The following RYR2 variants were observed in gnomAD, a reference collection of about 807,000 sequenced individuals.
RYR2 encodes cardiac muscle ryanodine receptor-calcium release channel.
In RYR2, 227 loss-of-function variants were observed where a neutral mutation model predicts 601.1. The observed-to-expected ratio is 0.38, with a 90% CI of 0.34 to 0.42. The LOEUF is 0.42. RYR2 is among the 10% of genes least tolerant of loss of function. The pLI is 1.00. For missense variants in RYR2, 4,646 were observed against 6,156.5 expected (o/e 0.75, Z 8.21); for synonymous variants, 2,223 against 2,175.1 (o/e 1.02, Z -0.61).
At chr1:237,133,157 A>G (rs1304431894) in intron 1 of RYR2, among the ~76,000 whole-genome samples, 1 of 152,188 alleles carries the variant, frequency 6.6e-6, no homozygotes, top group East Asian at 1.9e-4. Context: ...AAGTCTGCAC[A>G]CAGGACTTCC....
chr1:237,674,703 T>G, intron 59 of RYR2, 28 bp from the exon 60 acceptor site: 1 of 1,348,054 alleles, frequency 7.4e-7, no homozygotes, highest in Non-Finnish European at 1.1e-6. Context: ...TACAAATTGC[T>G]TTCCCATTTT....
At position 237,573,231 on chromosome 1, in the gene RYR2, T is replaced by TACACACAC. The variant is rs10556537; in HGVS notation, c.3598+3931_3598+3938dup. ...ATTATTATCTATGGAGATATACACA[T>TACACACAC]ACACACACACACACACACACACACA... On this transcript the variant is annotated intron_variant, in intron 29 of 104. Transcript: ENST00000366574. 5.6e-3 allele frequency among the ~76,000 whole-genome samples: 827 copies of TACACACAC among 148,914 alleles called. 10 individuals carry two copies. The highest frequency in any genetic ancestry group is 0.019 in the African/African-American group (783 of 40,396).
rs186431789 is a variant in RYR2, at chr1:237,656,546, C to T, written c.8129+562C>T. ...ATGTTTGGGAACTTCAGGTGTTCGA[C>T]GTCTGAGCATTTTGTTGTTGTCGTT... On this transcript the variant is annotated intron_variant, in intron 53 of 104. Coordinates refer to ENST00000366574, the MANE Select transcript of RYR2 (RefSeq NM_001035.3). 3.3e-5 allele frequency among the ~76,000 whole-genome samples: 5 copies of T among 152,278 alleles called. No individual in the cohort carries two copies. In the East Asian group the frequency reaches 5.8e-4, roughly 18 times the overall value.
chr1:237,605,085 A>G (rs1676958361), intron 35 of RYR2, among the ~76,000 whole-genome samples: 1 of 152,200 alleles, frequency 6.6e-6, no homozygotes, highest in Admixed American at 6.5e-5. Context: ...GGCCAGCATC[A>G]TCCTGATACC....
chr1:237,276,807 G>A (rs888194673), intron 2 of RYR2, among the ~76,000 whole-genome samples: 25 of 152,140 alleles, frequency 1.6e-4, no homozygotes, highest in African/African-American at 5.6e-4. Flanking sequence ...AAAATAAATA[G>A]TGTGGTAGAA....
intron 1 of RYR2, among the ~76,000 whole-genome samples, chr1:237,237,801 T>C (rs1333581810): frequency 1.3e-5 from 2 of 152,086 alleles, no homozygotes; most frequent in Non-Finnish European, 2.9e-5. Flanking sequence ...TAAGAGACAT[T>C]TACCATCTGT....
intron 36 of RYR2, among the ~76,000 whole-genome samples, chr1:237,613,140 G>T (rs935928340): frequency 1.3e-5 from 2 of 152,222 alleles, no homozygotes; most frequent in African/African-American, 2.4e-5. Context: ...TGGTTGAGAA[G>T]AATCTGATGC....
intron 1 of RYR2, among the ~76,000 whole-genome samples, chr1:237,167,874 A>G (rs1572075313): frequency 1.3e-5 from 2 of 152,132 alleles, no homozygotes; most frequent in East Asian, 3.9e-4. Context: ...CAATAGGCAC[A>G]TGCCACTATG....
At chr1:237,134,928 C>T (rs529244850) in intron 1 of RYR2, among the ~76,000 whole-genome samples, 1 of 152,232 alleles carries the variant, frequency 6.6e-6, no homozygotes, top group East Asian at 1.9e-4. Flanking sequence ...TGGCCACAAA[C>T]TGTTAGCCTC....
chr1:237,244,992 G>A (rs1280742552), intron 1 of RYR2, among the ~76,000 whole-genome samples: 1 of 152,154 alleles, frequency 6.6e-6, no homozygotes, highest in Non-Finnish European at 1.5e-5. Context: ...AATTTGGCTT[G>A]AGGCCAAGAG....
intron 2 of RYR2, among the ~76,000 whole-genome samples, chr1:237,275,658 A>G (rs1690203963): frequency 6.6e-6 from 1 of 152,222 alleles, no homozygotes; most frequent in South Asian, 2.1e-4. Context: ...CTTGAAAAAA[A>G]TAAGTACAAT....
chr1:237,411,127 G>C (rs1280595801), intron 10 of RYR2, among the ~76,000 whole-genome samples: 1 of 152,096 alleles, frequency 6.6e-6, no homozygotes, highest in Non-Finnish European at 1.5e-5. Context: ...GTAGAATGGT[G>C]GTAGCTAGAG....
intron 1 of RYR2, among the ~76,000 whole-genome samples, chr1:237,108,573 A>G (rs1203570640): frequency 6.6e-6 from 1 of 152,216 alleles, no homozygotes; most frequent in Admixed American, 6.5e-5. Flanking sequence ...GAGCTCTGGG[A>G]TTCTCTTAAA....
chr1:237,150,172 C>A (rs1674553868), intron 1 of RYR2, among the ~76,000 whole-genome samples: 1 of 152,188 alleles, frequency 6.6e-6, no homozygotes, highest in South Asian at 2.1e-4. Flanking sequence ...ATAACTTTCG[C>A]AAGGACATGC....
At chr1:237,744,943 C>T (rs1038042201) in intron 80 of RYR2, among the ~76,000 whole-genome samples, 38 of 151,552 alleles carry the variant, frequency 2.5e-4, no homozygotes, top group Admixed American at 2.0e-4. Context: ...ACTACAGTGG[C>T]GCGCCACCAC....
intron 1 of RYR2, among the ~76,000 whole-genome samples, chr1:237,153,485 T>TA: frequency 3.9e-5 from 6 of 152,188 alleles, no homozygotes; most frequent in African/African-American, 1.4e-4. Flanking sequence ...GCGATAATAT[T>TA]TCTATAAAAT....
intron 1 of RYR2, among the ~76,000 whole-genome samples, chr1:237,200,578 T>C (rs1681083294): frequency 6.6e-6 from 1 of 152,196 alleles, no homozygotes; most frequent in Admixed American, 6.6e-5. Context: ...TTCCATTCTT[T>C]AATGAATGAA....
At chr1:237,102,942 A>C (rs1202544099) in intron 1 of RYR2, among the ~76,000 whole-genome samples, 1 of 152,264 alleles carries the variant, frequency 6.6e-6, no homozygotes, top group Admixed American at 6.5e-5. Context: ...AAAACGATAC[A>C]GTTCAGTCGT....
At chr1:237,728,623 T>G (rs1690405442) in intron 76 of RYR2, among the ~76,000 whole-genome samples, 1 of 152,142 alleles carries the variant, frequency 6.6e-6, no homozygotes, top group Non-Finnish European at 1.5e-5. Context: ...AATGAGTTCA[T>G]GTCCCTTGCA....
Sources: gnomAD v4.1 joint callset for allele counts (sites outside exome capture counted in the v4.1 genomes callset) on GRCh38, gnomAD v4.1.1 for gene constraint, MANE v1.5 for transcripts, NCBI Gene and HGNC (gene_info 2026-07-23, HGNC 2026-07-21) for gene names.